IKZF3: variants seen among roughly 807,000 people sequenced by gnomAD.
IKZF3 encodes zinc finger protein Aiolos.
IKZF3 carries 10 observed loss-of-function variants against 49.0 expected under a neutral mutation model. That is an observed-to-expected ratio of 0.20 (90% CI 0.13 to 0.35). The LOEUF is 0.35. Among genes scored for constraint, IKZF3 ranks in the 10% least tolerant of loss-of-function variants. The probability of loss-of-function intolerance (pLI) is 1.00; values close to 1 mark genes in which losing one functional copy is unlikely to be tolerated. For synonymous variants in IKZF3, 209 were observed against 228.2 expected, an observed-to-expected ratio of 0.92 and a Z score of 0.76; for missense variants, 498 against 664.8, an observed-to-expected ratio of 0.75 and a Z score of 2.76.
At chr17:39,785,388 CT>C (rs1230838363) in intron 6 of IKZF3, among the ~76,000 whole-genome samples, 1 of 152,108 alleles carries the variant, frequency 6.6e-6, no homozygotes, top group African/African-American at 2.4e-5. Context: ...AACCCTTTAT[CT>C]TTTTTTGCTG....
intron 3 of IKZF3, among the ~76,000 whole-genome samples, chr17:39,813,837 G>A (rs1455369555): frequency 6.6e-6 from 1 of 152,192 alleles, no homozygotes; most frequent in Non-Finnish European, 1.5e-5. Flanking sequence ...ATCTGGGCTT[G>A]AGAGATGTAA....
chr17:39,841,726 G>A (rs1324777715), intron 1 of IKZF3, among the ~76,000 whole-genome samples: 1 of 152,074 alleles, frequency 6.6e-6, no homozygotes, highest in Non-Finnish European at 1.5e-5. Flanking sequence ...GGATGTACTG[G>A]CATGAACTCA....
chr17:39,846,965 T>G (rs1453251035), intron 1 of IKZF3, among the ~76,000 whole-genome samples: 1 of 152,046 alleles, frequency 6.6e-6, no homozygotes, highest in African/African-American at 2.4e-5. Context: ...AAGCTATCTC[T>G]GAATGTTGAT....
chr17:39,806,373 G>A (rs1397674973), intron 3 of IKZF3, among the ~76,000 whole-genome samples: 8 of 152,132 alleles, frequency 5.3e-5, no homozygotes, highest in Admixed American at 3.9e-4. Context: ...TAAAATGCAC[G>A]AAAGTAGTCT....
intron 1 of IKZF3, among the ~76,000 whole-genome samples, chr17:39,851,271 T>C (rs2062867661): frequency 6.6e-6 from 1 of 151,900 alleles, no homozygotes; most frequent in African/African-American, 2.4e-5. Context: ...TCAAGTGATC[T>C]GCCCGCCTCG....
intron 3 of IKZF3, among the ~76,000 whole-genome samples, chr17:39,803,935 A>G (rs528655787): frequency 1.3e-5 from 2 of 152,340 alleles, no homozygotes; most frequent in African/African-American, 2.4e-5. Flanking sequence ...CTGTCACAAT[A>G]CCAAACTCAG....
chr17:39,795,214 C>T (rs2061132420), intron 3 of IKZF3, among the ~76,000 whole-genome samples: 1 of 152,076 alleles, frequency 6.6e-6, no homozygotes, highest in South Asian at 2.1e-4. Flanking sequence ...AGCTTTAGTC[C>T]TTTAGGAGTC....
chr17:39,835,776 T>C, intron 1 of IKZF3: 2 of 513,188 alleles, frequency 3.9e-6, no homozygotes, highest in South Asian at 3.1e-5. Context: ...TAAGACTCCA[T>C]CCAGCTCCAC....
At chr17:39,815,328 T>C (rs1332961929) in intron 3 of IKZF3, among the ~76,000 whole-genome samples, 1 of 152,222 alleles carries the variant, frequency 6.6e-6, no homozygotes, top group African/African-American at 2.4e-5. Flanking sequence ...CCTAATTACA[T>C]TCTCTCTGAA....
At chr17:39,802,823 CAAA>C (rs558413530) in intron 3 of IKZF3, among the ~76,000 whole-genome samples, 20 of 50,274 alleles carry the variant, frequency 4.0e-4, no homozygotes, top group Non-Finnish European at 4.6e-4. Flanking sequence ...AGACCTGTCT[CAAA>C]AAAAAAAAAA....
chr17:39,819,830 T>TA (rs200713979), intron 3 of IKZF3, among the ~76,000 whole-genome samples: 4 of 151,654 alleles, frequency 2.6e-5, no homozygotes, highest in Admixed American at 1.3e-4. Context: ...CAAAGCTAAT[T>TA]AAAAAAAAAT....
chr17:39,843,808 TAA>T (rs79751726), intron 1 of IKZF3, among the ~76,000 whole-genome samples: 44 of 132,696 alleles, frequency 3.3e-4, no homozygotes, highest in Middle Eastern at 3.3e-3. Flanking sequence ...CTCCGTCTTT[TAA>T]AAAAAAAAAA....
chr17:39,774,782 C>T (rs2060536738), intron 7 of IKZF3, among the ~76,000 whole-genome samples: 2 of 152,144 alleles, frequency 1.3e-5, no homozygotes, highest in South Asian at 4.1e-4. Flanking sequence ...AAGTAAAACA[C>T]ATGAATGTCG....
At chr17:39,830,197 C>T (rs1326260531) in intron 2 of IKZF3, among the ~76,000 whole-genome samples, 1 of 152,146 alleles carries the variant, frequency 6.6e-6, no homozygotes, top group Non-Finnish European at 1.5e-5. Context: ...AAGATGCTTT[C>T]CTAGGAGGAA....
chr17:39,811,313 G>A (rs1298906666), intron 3 of IKZF3, among the ~76,000 whole-genome samples: 3 of 132,110 alleles, frequency 2.3e-5, no homozygotes, highest in South Asian at 2.2e-4. Flanking sequence ...AAGAGAAAGA[G>A]AGAAGGAAAG....
At chr17:39,825,976 A>G (rs974049623) in intron 3 of IKZF3, among the ~76,000 whole-genome samples, 6 of 152,194 alleles carry the variant, frequency 3.9e-5, no homozygotes, top group Non-Finnish European at 8.8e-5. Flanking sequence ...GCTGGATTCT[A>G]TCATCACTTA....
intron 3 of IKZF3, among the ~76,000 whole-genome samples, chr17:39,822,184 G>C (rs1293163520): frequency 6.6e-6 from 1 of 152,170 alleles, no homozygotes; most frequent in Non-Finnish European, 1.5e-5. Context: ...TCATATGCAA[G>C]CCATGTGGAA....
At chr17:39,809,703 T>C (rs1048833868) in intron 3 of IKZF3, among the ~76,000 whole-genome samples, 11 of 152,178 alleles carry the variant, frequency 7.2e-5, no homozygotes, top group Admixed American at 7.2e-4. Context: ...CCATTCAGCA[T>C]TTTTCTATGG....
intron 1 of IKZF3, among the ~76,000 whole-genome samples, chr17:39,853,893 G>C (rs1363786658): frequency 6.6e-6 from 1 of 151,828 alleles, no homozygotes; most frequent in Non-Finnish European, 1.5e-5. Context: ...ACTTTGGGAG[G>C]CCGAGGAAGG....
Sources: gnomAD v4.1 joint callset for allele counts (sites outside exome capture counted in the v4.1 genomes callset) on GRCh38, gnomAD v4.1.1 for gene constraint, MANE v1.5 for transcripts, NCBI Gene and HGNC (gene_info 2026-07-23, HGNC 2026-07-21) for gene names.